BRD10: variants seen among roughly 807,000 people sequenced by gnomAD.
The protein encoded by BRD10 is bromodomain containing 10.
chr9:6,008,315 GGACGGGGCCC>G, the BRD10 span: 22 of 985,086 alleles, frequency 2.2e-5, no homozygotes, highest in Non-Finnish European at 2.7e-5. Context: ...GGCGGTGCAC[GGACGGGGCCC>G]GGCGACAACT....
chr9:6,008,016 C>T, the BRD10 span: 1 of 1,224,568 alleles, frequency 8.2e-7, no homozygotes, highest in African/African-American at 1.6e-5. Flanking sequence ...AGAGGAGAGC[C>T]TAGGTGCCCT....
At chr9:6,007,677 C>G in the BRD10 span, 1 of 1,608,348 alleles carries the variant, frequency 6.2e-7, no homozygotes, top group African/African-American at 1.3e-5. Context: ...GCCCTGAGGT[C>G]TGGGCCGCCG....
the BRD10 span, among the ~76,000 whole-genome samples, chr9:5,890,389 T>C: frequency 6.6e-6 from 1 of 152,212 alleles, no homozygotes; most frequent in Non-Finnish European, 1.5e-5. Flanking sequence ...CTGTTCATTG[T>C]TTATCTGAAG....
At chr9:5,937,302 C>T in the BRD10 span, among the ~76,000 whole-genome samples, 104 of 150,850 alleles carry the variant, frequency 6.9e-4, no homozygotes, top group Non-Finnish European at 1.3e-3. Context: ...TCTGGGAGGC[C>T]GAGGCGGGTG....
chr9:5,995,061 G>A, the BRD10 span, among the ~76,000 whole-genome samples: 7 of 152,148 alleles, frequency 4.6e-5, no homozygotes, highest in Admixed American at 6.5e-5. Flanking sequence ...CACCACGCCC[G>A]GCTAATTTTC....
At chr9:5,951,534 T>C in the BRD10 span, among the ~76,000 whole-genome samples, 2 of 152,200 alleles carry the variant, frequency 1.3e-5, no homozygotes, top group Non-Finnish European at 2.9e-5. Context: ...AATATTTCTA[T>C]ATTTTTATGT....
chr9:5,953,024 TTGATTTAAAA>T, the BRD10 span, among the ~76,000 whole-genome samples: 1 of 152,072 alleles, frequency 6.6e-6, no homozygotes, highest in Non-Finnish European at 1.5e-5. Context: ...TCTTTAACTG[TTGATTTAAAA>T]ATGTTAAATT....
At chr9:5,929,130 T>C in the BRD10 span, 10 of 1,603,062 alleles carry the variant, frequency 6.2e-6, no homozygotes, top group African/African-American at 4.0e-5. Context: ...GTAATTCTTT[T>C]ACAGCTTGCC....
At chr9:5,949,159 A>G in the BRD10 span, among the ~76,000 whole-genome samples, 1 of 151,982 alleles carries the variant, frequency 6.6e-6, no homozygotes, top group Non-Finnish European at 1.5e-5. Context: ...GGAGCAATTC[A>G]AAATAATGAT....
At chr9:5,944,861 CA>C in the BRD10 span, 1 of 1,436,384 alleles carries the variant, frequency 7.0e-7, no homozygotes, top group South Asian at 1.3e-5. Flanking sequence ...ACTTTTGGAT[CA>C]ACACCTACCG....
chr9:5,892,607 C>A, the BRD10 span: 1 of 1,459,868 alleles, frequency 6.8e-7, no homozygotes, highest in Non-Finnish European at 9.5e-7. Flanking sequence ...CTGACACAGC[C>A]TGCTGACTTC....
the BRD10 span, among the ~76,000 whole-genome samples, chr9:5,937,801 C>G: frequency 6.6e-6 from 1 of 152,160 alleles, no homozygotes; most frequent in African/African-American, 2.4e-5. Context: ...GCACTGTAAA[C>G]CAAAGTTAAA....
chr9:5,928,115 T>C, the BRD10 span, among the ~76,000 whole-genome samples: 2 of 152,186 alleles, frequency 1.3e-5, no homozygotes, highest in African/African-American at 4.8e-5. Flanking sequence ...ATTCCAGTTG[T>C]TTAGACCAAA....
At chr9:5,983,586 T>C in the BRD10 span, among the ~76,000 whole-genome samples, 1 of 152,000 alleles carries the variant, frequency 6.6e-6, no homozygotes, top group Admixed American at 6.6e-5. Context: ...AAATGTAACT[T>C]TTAGAGATAA....
chr9:5,966,782 T>A, the BRD10 span, among the ~76,000 whole-genome samples: 2 of 152,026 alleles, frequency 1.3e-5, no homozygotes, highest in Non-Finnish European at 2.9e-5. Context: ...TCAAAGTGAA[T>A]TTGCCAAATT....
the BRD10 span, chr9:5,922,955 A>G: frequency 1.9e-6 from 3 of 1,613,824 alleles, no homozygotes; most frequent in African/African-American, 4.0e-5. Flanking sequence ...TTTATTCCCA[A>G]TATTCTTTGC....
the BRD10 span, among the ~76,000 whole-genome samples, chr9:5,993,312 TAA>T: frequency 6.9e-5 from 8 of 116,696 alleles, no homozygotes; most frequent in African/African-American, 1.5e-4. Flanking sequence ...GAGACTCCAT[TAA>T]AAAAAAAAAA....
chr9:5,978,742 A>G, the BRD10 span, among the ~76,000 whole-genome samples: 1 of 152,208 alleles, frequency 6.6e-6, no homozygotes, highest in Admixed American at 6.5e-5. Context: ...CTACACGGTC[A>G]GCACTAGTTG....
At chr9:5,919,417 C>T in the BRD10 span, 1 of 336,082 alleles carries the variant, frequency 3.0e-6, no homozygotes, top group East Asian at 5.2e-5. Flanking sequence ...GTTCTACAGA[C>T]AGGTAAATCC....
Sources: gnomAD v4.1 joint callset for allele counts (sites outside exome capture counted in the v4.1 genomes callset) on GRCh38, gnomAD v4.1.1 for gene constraint, MANE v1.5 for transcripts, NCBI Gene and HGNC (gene_info 2026-07-23, HGNC 2026-07-21) for gene names.